The following UTP11 variants were observed in gnomAD, a reference collection of about 807,000 sequenced individuals.
The protein encoded by UTP11 is probable U3 small nucleolar RNA-associated protein 11.
UTP11 carries 29 observed loss-of-function variants against 39.0 expected under a neutral mutation model. The observed-to-expected ratio is 0.74, with a 90% CI of 0.55 to 1.01. The LOEUF is 1.01. Among genes scored for constraint, UTP11 ranks in the 50% least tolerant of loss-of-function variants. The pLI is 0.00. For synonymous variants in UTP11, 111 were observed against 105.0 expected, an observed-to-expected ratio of 1.06 and a Z score of -0.35; for missense variants, 281 against 306.0, an observed-to-expected ratio of 0.92 and a Z score of 0.61.
intron 1 of UTP11, among the ~76,000 whole-genome samples, chr1:38,015,548 A>G (rs963808995): frequency 6.6e-6 from 1 of 152,156 alleles, no homozygotes; most frequent in African/African-American, 2.4e-5. Flanking sequence ...TCTTTCCAAG[A>G]TTGTGGTGGG....
chr1:38,018,559 G>A lies in UTP11; in HGVS notation c.324G>A (p.Lys108=), dbSNP rs1407787109. The change falls in exon 4 of 8, where the codon AAG becomes AAA. Residue 108 remains lysine, a synonymous_variant. Transcript: ENST00000373014. The part of the protein sequence containing the change: ...RTQDVKYIEM[K]RVAEAKKIER... The stretch of plus-strand genomic sequence containing the variant: ...AGGACGTCAAATATATAGAAATGAA[G>A]AGGGTTGCAGAAGCTAAGGTAATTC... 1.3e-6 allele frequency: 2 copies of A among 1,587,370 alleles called. No individual in the cohort carries two copies. Among genetic ancestry groups the A allele is most frequent in the East Asian group, 4.5e-5 (2 of 44,652 alleles).
chr1:38,018,598 A>C lies in UTP11; in HGVS notation c.342+21A>C, dbSNP rs527321023. Reference sequence around the variant, plus strand: ...CTAAGGTAATTCACTCTTTGTTCTGATTGGTTTTATTGGTTAAGAAGGGAA... The same window carrying C: ...CTAAGGTAATTCACTCTTTGTTCTGCTTGGTTTTATTGGTTAAGAAGGGAA... On this transcript the variant is annotated intron_variant, in intron 4 of 7. Transcript: ENST00000373014. 4 of 1,537,126 alleles carry C rather than the reference A, an allele frequency of 2.6e-6. No homozygotes were observed. In the South Asian group the frequency reaches 4.7e-5, roughly 18 times the overall value.
chr1:38,020,948 G>C (rs543157627), intron 6 of UTP11, among the ~76,000 whole-genome samples: 3 of 150,692 alleles, frequency 2.0e-5, no homozygotes, highest in African/African-American at 7.3e-5. Flanking sequence ...TTGAGACGGA[G>C]TCTCACTCTG....
Position 38,023,590 on chromosome 1 carries a change from C to T in UTP11, c.724C>T (p.Pro242Ser), listed in dbSNP as rs188941727. The T allele has an allele frequency of 6.2e-7, 1 of 1,611,402 alleles. No individual in the cohort carries two copies. The highest frequency in any genetic ancestry group is 8.5e-7 in the Non-Finnish European group (1 of 1,178,918). Residue 242 changes from proline to serine, a missense_variant, in exon 8 of 8, where the codon CCA (proline) becomes TCA (serine). By Grantham distance (74) the Pro-to-Ser change is moderately conservative. Coordinates refer to ENST00000373014, the MANE Select transcript of UTP11 (RefSeq NM_016037.4). Reference protein sequence around the residue: ...VKVKKETVNSPAIYKFQSRRK... With the variant: ...VKVKKETVNSSAIYKFQSRRK... Reference sequence around the variant, plus strand: ...GGTGAAGAAAGAAACGGTGAACTCCCCAGCTATTTATAAATTTCAGAGTCG... The same window carrying T: ...GGTGAAGAAAGAAACGGTGAACTCCTCAGCTATTTATAAATTTCAGAGTCG...
At chr1:38,018,957 TG>T in intron 4 of UTP11, 101 bp from the exon 5 acceptor site, 1 of 982,248 alleles carries the variant, frequency 1.0e-6, no homozygotes, top group Non-Finnish European at 1.5e-6. Context: ...CTTTGCTGGC[TG>T]GCAATAATGA....
chr1:38,023,554 CAG>C lies in UTP11; in HGVS notation c.690_691del (p.Lys231SerfsTer15). 6.2e-7 allele frequency: 1 copy of C among 1,610,032 alleles called. No homozygotes were observed. The highest frequency in any genetic ancestry group is 8.5e-7 in the Non-Finnish European group (1 of 1,178,522). ...QTRKDLMDKT[Q>X]KVKVKKETVN... Reference sequence around the variant, plus strand: ...TTTTACTCTTTTGTAGGATAAAACTCAGAAAGTGAAGGTGAAGAAAGAAACGG... The same window carrying C: ...TTTTACTCTTTTGTAGGATAAAACTCAAAGTGAAGGTGAAGAAAGAAACGG... On this transcript the variant is annotated frameshift_variant, in exon 8 of 8. Transcript: ENST00000373014. LOFTEE classifies it high-confidence loss of function.
At chr1:38,019,497 T>G in intron 6 of UTP11, 114 bp downstream of exon 6, 1 of 996,534 alleles carries the variant, frequency 1.0e-6, no homozygotes, top group South Asian at 3.0e-5. Context: ...TATTTTATTT[T>G]ATTTTTTAGT....
At chr1:38,019,026 T>G in intron 4 of UTP11, 33 bp from the exon 5 acceptor site, 1 of 1,500,638 alleles carries the variant, frequency 6.7e-7, no homozygotes, top group Non-Finnish European at 9.1e-7. Flanking sequence ...TAGAAGAATC[T>G]AATATAAAGT....
intron 7 of UTP11, 44 bp downstream of exon 7, chr1:38,022,853 T>G: frequency 7.4e-7 from 1 of 1,349,730 alleles, no homozygotes; most frequent in South Asian, 1.3e-5. Flanking sequence ...TTTTTCCCCC[T>G]TTTCTTTCTT....
intron 1 of UTP11, among the ~76,000 whole-genome samples, chr1:38,013,994 C>T (rs754773546): frequency 9.9e-5 from 15 of 152,220 alleles, no homozygotes; most frequent in Non-Finnish European, 1.8e-4. Flanking sequence ...GGATTACAGG[C>T]GTGAGCCCCT....
In UTP11 at chr1:38,017,760, T is replaced by G; in HGVS notation, c.218T>G (p.Val73Gly). Residue 73 changes from valine (V) to glycine (G), a missense_variant, in exon 3 of 8, where the codon GTT becomes GGT. Val to Gly is a moderately radical substitution (Grantham distance 109, BLOSUM62 -3). Coordinates refer to ENST00000373014, the MANE Select transcript of UTP11 (RefSeq NM_016037.4). Reference protein sequence around the residue: ...PDEFYYKMTRVKLQDGVHIIK... With the variant: ...PDEFYYKMTRGKLQDGVHIIK... ...GAATTCTACTACAAAATGACTCGGG[T>G]TAAACTCCAGGTGGGTGCCCAATGG... 1 of 1,610,512 alleles carries G rather than the reference T, an allele frequency of 6.2e-7. No homozygotes were observed. Among genetic ancestry groups the G allele is most frequent in the Non-Finnish European group, 8.5e-7 (1 of 1,178,826 alleles).
At chr1:38,017,878 G>A (rs1198577923) in intron 3 of UTP11, 108 bp downstream of exon 3, 5 of 925,910 alleles carry the variant, frequency 5.4e-6, no homozygotes, top group Non-Finnish European at 8.2e-6. Context: ...ACCCTTCTCT[G>A]GTTACTCCAG....
rs544002688 is a variant in UTP11, at chr1:38,023,433, G to A, written c.679-112G>A. ...TGCCTTGGGCAGTAGGGCTGTGTCC[G>A]TTCTCAACTTTGAGAAGGGCTGAAG... On this transcript the variant is annotated intron_variant, in intron 7 of 7. Coordinates refer to ENST00000373014, the MANE Select transcript of UTP11 (RefSeq NM_016037.4). 1.2e-4 allele frequency: 107 copies of A among 880,430 alleles called. 1 individual carries two copies. The South Asian group carries it at 1.7e-3, about 14-fold the overall frequency. 54.5% of individuals were successfully genotyped at this position (880,430 alleles called of 1,614,324 possible).
intron 1 of UTP11, among the ~76,000 whole-genome samples, chr1:38,015,381 G>A (rs1341969231): frequency 6.6e-6 from 1 of 152,136 alleles, no homozygotes; most frequent in Non-Finnish European, 1.5e-5. Context: ...AAGATTATTC[G>A]CAACAGAAGA....
intron 6 of UTP11, among the ~76,000 whole-genome samples, chr1:38,022,210 G>A (rs956126270): frequency 8.5e-5 from 13 of 152,164 alleles, no homozygotes; most frequent in African/African-American, 3.1e-4. Flanking sequence ...AAGCAGCTTA[G>A]TGTAGTAGTG....
At position 38,024,442 on chromosome 1, in the gene UTP11, C is replaced by T. The variant is rs1334906145; in HGVS notation, c.*814C>T. The T allele has an allele frequency of 7.1e-6, 1 of 139,894 alleles. No homozygotes were observed. The highest frequency in any genetic ancestry group is 2.6e-5 in the African/African-American group (1 of 37,756). The allele number at this position is 139,894 out of a possible 1,614,324, so 8.7% of individuals were successfully genotyped here. On this transcript the variant is annotated 3_prime_UTR_variant, in exon 8 of 8. Coordinates refer to ENST00000373014, the MANE Select transcript of UTP11 (RefSeq NM_016037.4). ...ACGGAGTCTCGCTCTGTCGCCCAGG[C>T]CGGACTGCGGACTGCAGTGGCGCAA... is the stretch of plus-strand genomic sequence containing the variant.
chr1:38,022,665 T>A (rs1646744869), intron 6 of UTP11, 34 bp from the exon 7 acceptor site: 1 of 1,468,488 alleles, frequency 6.8e-7, no homozygotes, highest in South Asian at 1.1e-5. Context: ...GTCCTGTTCA[T>A]TGTTCACTGA....
chr1:38,020,577 C>T (rs1347431168), intron 6 of UTP11, among the ~76,000 whole-genome samples: 1 of 152,144 alleles, frequency 6.6e-6, no homozygotes, highest in African/African-American at 2.4e-5. Flanking sequence ...GTGTTTCAAG[C>T]AGACAGCTGT....
rs569790911 is a variant in UTP11 at position 38,022,416 on chromosome 1, A to G, written c.568-283A>G. 1.2e-3 allele frequency among the ~76,000 whole-genome samples: 186 copies of G among 151,034 alleles called. 2 individuals are homozygous for G. The highest frequency in any genetic ancestry group is 4.2e-3 in the African/African-American group (173 of 41,034). On this transcript the variant is annotated intron_variant, in intron 6 of 7. Transcript: ENST00000373014. ...GAGACAGAGTCTCATTATGTTGCCT[A>G]CGTTGGTCTGGAACTCCTGGGCTCA...
Sources: gnomAD v4.1 joint callset for allele counts (sites outside exome capture counted in the v4.1 genomes callset) on GRCh38, gnomAD v4.1.1 for gene constraint, MANE v1.5 for transcripts, NCBI Gene and HGNC (gene_info 2026-07-23, HGNC 2026-07-21) for gene names.